CYREN: variants seen among roughly 807,000 people sequenced by gnomAD.
The protein encoded by CYREN is cell cycle regulator of NHEJ.
Under a neutral mutation model 9.7 loss-of-function variants are expected in CYREN, and 7 were observed. The ratio of observed to expected loss-of-function variants is 0.72; its 90% CI spans 0.41 to 1.36. The LOEUF (loss-of-function observed/expected upper bound fraction) is 1.36. Ranked by LOEUF, CYREN falls within the 40% of genes most tolerant of loss-of-function variation. CYREN has a pLI of 0.01. For missense variants in CYREN, 215 were observed against 198.1 expected, an observed-to-expected ratio of 1.09 and a Z score of -0.51; for synonymous variants, 76 against 77.9, an observed-to-expected ratio of 0.98 and a Z score of 0.13.
At chr7:135,114,927 T>TA in intron 2 of CYREN, among the ~76,000 whole-genome samples, 1 of 152,340 alleles carries the variant, frequency 6.6e-6, no homozygotes, top group Non-Finnish European at 1.5e-5. Flanking sequence ...CCATGTTACC[T>TA]ACCTAAATTT....
chr7:135,132,865 T>G (rs559624183), intron 2 of CYREN, among the ~76,000 whole-genome samples: 1 of 152,316 alleles, frequency 6.6e-6, no homozygotes, highest in South Asian at 2.1e-4. Context: ...GGGTATGTTT[T>G]TATTAGCAGC....
In CYREN at chr7:135,167,756, A is replaced by G. The variant is rs780419364; in HGVS notation, c.189T>C (p.Asp63=). ...VYCMNEAEIV[D]VALGILIESR... ...CCTCAATCAGGATTCCCAGAGCAAC[A>G]TCAACTATCTCAGCCTCATTCATGC... The change falls in exon 3 of 4, where the codon GAT becomes GAC. Residue 63 remains aspartate, a synonymous_variant. Transcript: ENST00000393114. 6.0e-5 allele frequency: 97 copies of G among 1,614,056 alleles called. No homozygotes were observed. The highest frequency in any genetic ancestry group is 4.7e-5 in the Non-Finnish European group (56 of 1,180,030).
chr7:135,154,586 G>A (rs181842910), intron 2 of CYREN, among the ~76,000 whole-genome samples: 2 of 152,162 alleles, frequency 1.3e-5, no homozygotes, highest in African/African-American at 2.4e-5. Context: ...TTTTTAATTT[G>A]TCTTAATTTC....
intron 2 of CYREN, among the ~76,000 whole-genome samples, chr7:135,148,491 T>G (rs1361576031): frequency 6.6e-6 from 1 of 152,216 alleles, no homozygotes; most frequent in Non-Finnish European, 1.5e-5. Flanking sequence ...GGCATCAACA[T>G]GTGTAGCTCT....
chr7:135,167,803 G>A lies in CYREN; in HGVS notation c.142C>T (p.Pro48Ser). The A allele has an allele frequency of 6.2e-7, 1 of 1,614,032 alleles. No homozygotes were observed. Among genetic ancestry groups the A allele is most frequent in the Non-Finnish European group, 8.5e-7 (1 of 1,179,990 alleles). Residue 48 changes from proline (P) to serine (S), a missense_variant, in exon 3 of 4, where the codon CCT becomes TCT. Coordinates refer to ENST00000393114, the MANE Select transcript of CYREN (RefSeq NM_024033.4). ...AAVPVAAARL[P>S]ATRTVYCMNE... ...ATGCAGTACACAGTCCTTGTCGCAG[G>A]GAGTCTGAAAAAAAGACATGCAAGG...
At chr7:135,145,235 T>TA (rs1201756220) in intron 2 of CYREN, among the ~76,000 whole-genome samples, 1 of 152,206 alleles carries the variant, frequency 6.6e-6, no homozygotes, top group African/African-American at 2.4e-5. Context: ...ATATTCAGTC[T>TA]AAATTTGATC....
chr7:135,121,160 G>T (rs971453185), intron 2 of CYREN, among the ~76,000 whole-genome samples: 5 of 152,100 alleles, frequency 3.3e-5, no homozygotes, highest in African/African-American at 1.2e-4. Flanking sequence ...AGCCAAGATG[G>T]TGCCATTGCA....
At chr7:135,125,313 T>C (rs182943109) in intron 2 of CYREN, among the ~76,000 whole-genome samples, 1 of 152,258 alleles carries the variant, frequency 6.6e-6, no homozygotes, top group African/African-American at 2.4e-5. Flanking sequence ...GAGAAATTCC[T>C]GGACACACAC....
intron 2 of CYREN, among the ~76,000 whole-genome samples, chr7:135,123,398 A>T (rs1827415553): frequency 1.3e-5 from 2 of 152,238 alleles, no homozygotes; most frequent in East Asian, 3.8e-4. Flanking sequence ...GACTTCATAA[A>T]AAGACTAAAC....
At position 135,094,346 on chromosome 7, in the gene CYREN, G is replaced by A. The variant is rs10268170; in HGVS notation, n.593C>T. 3,996 of 456,452 alleles carry A rather than the reference G, an allele frequency of 8.8e-3. 140 individuals carry two copies. Among genetic ancestry groups the A allele is most frequent in the African/African-American group, 0.071 (3,551 of 50,142 alleles). 28.3% of individuals were successfully genotyped at this position (456,452 alleles called of 1,614,324 possible). On this transcript the variant is annotated non_coding_transcript_exon_variant, in exon 3 of 3. Transcript: ENST00000459937. Reference sequence around the variant, plus strand: ...TACCCTGAAATCTGAAGAGACAGACGAATCCAGGGAGTCACTGCTGAGATC... The same window carrying A: ...TACCCTGAAATCTGAAGAGACAGACAAATCCAGGGAGTCACTGCTGAGATC...
At chr7:135,152,953 T>C (rs1312654646) in intron 2 of CYREN, 1 of 152,102 alleles carries the variant, frequency 6.6e-6, no homozygotes, top group Non-Finnish European at 1.5e-5. Flanking sequence ...CAAGGACTAA[T>C]ATCCAGAATC....
At chr7:135,093,658 T>G (rs1822202226) in exon 3 of CYREN, 2 of 152,160 alleles carry the variant, frequency 1.3e-5, no homozygotes, top group African/African-American at 4.8e-5. Flanking sequence ...ATCAGAAGAT[T>G]TAATATTGCT....
At chr7:135,109,209 C>G (rs1433768408) in intron 2 of CYREN, among the ~76,000 whole-genome samples, 4 of 152,192 alleles carry the variant, frequency 2.6e-5, no homozygotes, top group Non-Finnish European at 5.9e-5. Flanking sequence ...AGGTTAAGAA[C>G]CCTGGTTGGA....
intron 1 of CYREN, chr7:135,169,421 C>T (rs576626753): frequency 6.6e-6 from 1 of 152,646 alleles, no homozygotes; most frequent in Admixed American, 6.5e-5. Context: ...CCCTAAAATA[C>T]CTCTTAATGG....
At chr7:135,103,651 A>AGAATGTGAAAGGG (rs1407283001) in intron 2 of CYREN, among the ~76,000 whole-genome samples, 4 of 152,152 alleles carry the variant, frequency 2.6e-5, no homozygotes, top group South Asian at 2.1e-4. Context: ...TCTCAGTAGG[A>AGAATGTGAAAGGG]GACTGAGAGG....
intron 2 of CYREN, among the ~76,000 whole-genome samples, chr7:135,116,586 C>T (rs534115977): frequency 2.5e-4 from 38 of 152,110 alleles, no homozygotes; most frequent in Non-Finnish European, 5.0e-4. Context: ...CATTTGGTTT[C>T]CAATGACACC....
chr7:135,153,648 G>C (rs1829718353), intron 2 of CYREN, among the ~76,000 whole-genome samples: 1 of 152,184 alleles, frequency 6.6e-6, no homozygotes, highest in African/African-American at 2.4e-5. Context: ...CATATTTATT[G>C]ATTTGCATAT....
At chr7:135,161,074 C>G (rs1829923613), downstream of CYREN, among the ~76,000 whole-genome samples, 1 of 152,144 alleles carries the variant, frequency 6.6e-6, no homozygotes. This position sits in a 1 kb window ranked among gnomAD's most constrained non-coding sequence, Gnocchi z 4.1. Flanking sequence ...CCAAGTCGCA[C>G]CAGATGATGG....
At chr7:135,147,432 A>G (rs1206031491) in intron 2 of CYREN, among the ~76,000 whole-genome samples, 1 of 152,196 alleles carries the variant, frequency 6.6e-6, no homozygotes, top group Non-Finnish European at 1.5e-5. Flanking sequence ...ACCAAGTTTA[A>G]CCCACAGTTG....
Sources: gnomAD v4.1 joint callset for allele counts (sites outside exome capture counted in the v4.1 genomes callset) on GRCh38, gnomAD v4.1.1 for gene constraint, Gnocchi (gnomAD v3.1) non-coding constraint, MANE v1.5 for transcripts, NCBI Gene and HGNC (gene_info 2026-07-23, HGNC 2026-07-21) for gene names.